SYNDIG1L: variants seen among roughly 807,000 people sequenced by gnomAD.
The protein encoded by SYNDIG1L is synapse differentiation-inducing gene protein 1-like.
SYNDIG1L carries 13 observed loss-of-function variants against 20.1 expected under a neutral mutation model. That is an observed-to-expected ratio of 0.65 (90% CI 0.42 to 1.03). The LOEUF (loss-of-function observed/expected upper bound fraction) is 1.03, where lower values mean the gene tolerates loss of function less well. SYNDIG1L is among the 50% of genes least tolerant of loss of function. The probability of loss-of-function intolerance (pLI) is 0.00; values close to 1 mark genes in which losing one functional copy is unlikely to be tolerated. For missense variants in SYNDIG1L, 294 were observed against 305.1 expected, an observed-to-expected ratio of 0.96 and a Z score of 0.27; for synonymous variants, 128 against 129.3, an observed-to-expected ratio of 0.99 and a Z score of 0.07.
chr14:74,415,424 A>G (rs1255842059), intron 1 of SYNDIG1L, among the ~76,000 whole-genome samples: 1 of 152,224 alleles, frequency 6.6e-6, no homozygotes. Flanking sequence ...ACAAGTTCCC[A>G]GGTAATGTTG....
upstream of SYNDIG1L, among the ~76,000 whole-genome samples, chr14:74,429,154 A>G (rs2086286449): frequency 6.6e-6 from 1 of 152,016 alleles, no homozygotes; most frequent in African/African-American, 2.4e-5. Context: ...GGGCCAGGAG[A>G]GCTGACTGGG....
upstream of SYNDIG1L, among the ~76,000 whole-genome samples, chr14:74,427,511 G>C (rs1329662646): frequency 6.6e-6 from 1 of 152,148 alleles, no homozygotes; most frequent in African/African-American, 2.4e-5. Context: ...CCACATCATG[G>C]GGCTTGGGTC....
chr14:74,451,379 C>T, the SYNDIG1L span, among the ~76,000 whole-genome samples: 1 of 152,134 alleles, frequency 6.6e-6, no homozygotes, highest in African/African-American at 2.4e-5. Context: ...TAAAGACATA[C>T]AAATGTTCAA....
chr14:74,420,843 A>G lies in SYNDIG1L; in HGVS notation c.-58+5069T>C, dbSNP rs548982922. On this transcript the variant is annotated intron_variant, in intron 1 of 3. Transcript: ENST00000331628. ...CCTTGGTGAGGAAATCAGTGTAGAGAAACCTGTAGCCCCAAACACTGGAGG... is the reference window on the plus strand; with the variant it reads ...CCTTGGTGAGGAAATCAGTGTAGAGGAACCTGTAGCCCCAAACACTGGAGG... Among the ~76,000 whole-genome samples, 255 of 152,308 alleles carry G rather than the reference A, an allele frequency of 1.7e-3. 1 individual carries two copies. Among genetic ancestry groups the G allele is most frequent in the African/African-American group, 5.8e-3 (241 of 41,570 alleles).
chr14:74,412,222 G>T (rs1165524822), intron 1 of SYNDIG1L, among the ~76,000 whole-genome samples: 1 of 152,196 alleles, frequency 6.6e-6, no homozygotes, highest in Non-Finnish European at 1.5e-5. Context: ...GGCCTTGCTG[G>T]GCTGGGCTCG....
rs770496964 is a variant in SYNDIG1L at position 74,407,543 on chromosome 14, G to A, written c.709C>T (p.His237Tyr). The part of the protein sequence containing the change: ...ALAAYMSQNG[H>Y]G The stretch of plus-strand genomic sequence containing the variant: ...GCAGGCCCTACTGGCTACTAGCCAT[G>A]ACCGTTCTGGGACATGTAAGCTGCC... Residue 237 changes from histidine to tyrosine, a missense_variant, in exon 4 of 4, where the codon CAT becomes TAT. Coordinates refer to ENST00000331628, the MANE Select transcript of SYNDIG1L (RefSeq NM_001105579.2). 6.2e-7 allele frequency: 1 copy of A among 1,613,822 alleles called. No individual in the cohort carries two copies. Among genetic ancestry groups the A allele is most frequent in the Non-Finnish European group, 8.5e-7 (1 of 1,179,902 alleles).
At chr14:74,458,776 C>G in the SYNDIG1L span, among the ~76,000 whole-genome samples, 5 of 151,996 alleles carry the variant, frequency 3.3e-5, no homozygotes, top group African/African-American at 1.2e-4. Context: ...TTATACACAC[C>G]TTGACATGAC....
At chr14:74,471,140 T>C in the SYNDIG1L span, among the ~76,000 whole-genome samples, 2 of 152,188 alleles carry the variant, frequency 1.3e-5, no homozygotes, top group Non-Finnish European at 2.9e-5. Context: ...TGCTTTCATC[T>C]TACTCTTGGT....
the SYNDIG1L span, among the ~76,000 whole-genome samples, chr14:74,445,585 C>T: frequency 7.2e-5 from 11 of 152,088 alleles, no homozygotes; most frequent in Non-Finnish European, 1.3e-4. Context: ...AGCGATTCTC[C>T]TGCCTCAGCC....
At chr14:74,451,087 A>G in the SYNDIG1L span, among the ~76,000 whole-genome samples, 2 of 152,216 alleles carry the variant, frequency 1.3e-5, no homozygotes, top group Non-Finnish European at 2.9e-5. Flanking sequence ...TAAAATTCAT[A>G]TGAAAATACA....
At chr14:74,409,114 C>T (rs2086109478) in intron 2 of SYNDIG1L, among the ~76,000 whole-genome samples, 1 of 151,464 alleles carries the variant, frequency 6.6e-6, no homozygotes. Context: ...GGCTCTTGCT[C>T]TATCACCAGG....
the SYNDIG1L span, among the ~76,000 whole-genome samples, chr14:74,451,546 A>G: frequency 6.6e-6 from 1 of 152,244 alleles, no homozygotes; most frequent in Non-Finnish European, 1.5e-5. Flanking sequence ...TCAAAACACA[A>G]TCCATAGAAG....
At position 74,407,630 on chromosome 14, in the gene SYNDIG1L, A is replaced by C. The variant is rs2086093797; in HGVS notation, c.622T>G (p.Phe208Val). The C allele has an allele frequency of 6.2e-7, 1 of 1,613,996 alleles. No individual in the cohort carries two copies. The change falls in exon 4 of 4, where the codon TTC (phenylalanine) becomes GTC (valine). Residue 208 changes from phenylalanine to valine, a missense_variant. Coordinates refer to ENST00000331628, the MANE Select transcript of SYNDIG1L (RefSeq NM_001105579.2). ...LASTTSRRAL[F>V]LATLAIAVGA... The stretch of plus-strand genomic sequence containing the variant: ...ACGGCGATGGCGAGTGTGGCTAGGA[A>C]GAGGGCCCGGCGGGAGGTGGTGCTG...
upstream of SYNDIG1L, among the ~76,000 whole-genome samples, chr14:74,431,085 A>T (rs1460870373): frequency 6.6e-6 from 1 of 152,210 alleles, no homozygotes; most frequent in African/African-American, 2.4e-5. Flanking sequence ...GGGGAGTTGC[A>T]GAAAGAGGCC....
chr14:74,442,065 T>G, the SYNDIG1L span, among the ~76,000 whole-genome samples: 1 of 152,184 alleles, frequency 6.6e-6, no homozygotes, highest in Non-Finnish European at 1.5e-5. Context: ...AACCTTAATT[T>G]CTTCATGATG....
chr14:74,450,697 G>T, the SYNDIG1L span, among the ~76,000 whole-genome samples: 1 of 152,074 alleles, frequency 6.6e-6, no homozygotes, highest in African/African-American at 2.4e-5. Context: ...ACAATGAAAA[G>T]ATAAGCCATC....
the SYNDIG1L span, among the ~76,000 whole-genome samples, chr14:74,462,119 T>A: frequency 1.4e-5 from 2 of 145,522 alleles, no homozygotes; most frequent in African/African-American, 5.1e-5. Flanking sequence ...ATCAATACTC[T>A]GTGGTGTGCT....
chr14:74,476,664 A>G, the SYNDIG1L span: 2 of 1,185,514 alleles, frequency 1.7e-6, no homozygotes, highest in Non-Finnish European at 2.4e-6. Context: ...ACTCACCCAC[A>G]TTGCCCACCC....
chr14:74,458,256 T>C, the SYNDIG1L span, among the ~76,000 whole-genome samples: 1 of 152,132 alleles, frequency 6.6e-6, no homozygotes, highest in African/African-American at 2.4e-5. Context: ...CCCTTTCAAA[T>C]ATGATTGCCC....
Sources: gnomAD v4.1 joint callset for allele counts (sites outside exome capture counted in the v4.1 genomes callset) on GRCh38, gnomAD v4.1.1 for gene constraint, MANE v1.5 for transcripts, NCBI Gene and HGNC (gene_info 2026-07-23, HGNC 2026-07-21) for gene names.